Variants in GPR158 observed in about 807,000 individuals in gnomAD.
GPR158 encodes the protein metabotropic glycine receptor.
GPR158 carries 30 observed loss-of-function variants against 78.2 expected under a neutral mutation model. The ratio of observed to expected loss-of-function variants is 0.38; its 90% CI spans 0.29 to 0.52. The LOEUF is 0.52. Among genes scored for constraint, GPR158 ranks in the 20% least tolerant of loss-of-function variants. GPR158 has a pLI of 0.83. For synonymous variants in GPR158, 581 were observed against 591.1 expected (o/e 0.98, Z 0.25); for missense variants, 1,463 against 1,523.5 (o/e 0.96, Z 0.66).
chr10:25,189,071 A>T (rs1051301283), intron 1 of GPR158, among the ~76,000 whole-genome samples: 6 of 152,226 alleles, frequency 3.9e-5, no homozygotes, highest in Admixed American at 6.5e-5. Flanking sequence ...ATGCAAATCA[A>T]AACCACAGTG....
chr10:25,314,935 A>C (rs1436708285), intron 2 of GPR158, among the ~76,000 whole-genome samples: 3 of 144,900 alleles, frequency 2.1e-5, no homozygotes, highest in Admixed American at 6.8e-5. Flanking sequence ...CACACAGTTC[A>C]GGAGGAAGGA....
intron 5 of GPR158, among the ~76,000 whole-genome samples, chr10:25,484,744 CA>C (rs1835709730): frequency 6.6e-6 from 1 of 152,152 alleles, no homozygotes; most frequent in Non-Finnish European, 1.5e-5. Context: ...CAAAACATGG[CA>C]GGGGCTCTTT....
chr10:25,482,838 TC>T (rs1463346797), intron 5 of GPR158, among the ~76,000 whole-genome samples: 1 of 152,120 alleles, frequency 6.6e-6, no homozygotes, highest in East Asian at 1.9e-4. Flanking sequence ...AACCTGCTCT[TC>T]CAGCAAGTTC....
chr10:25,307,894 A>G (rs942833371), intron 2 of GPR158, among the ~76,000 whole-genome samples: 9 of 152,160 alleles, frequency 5.9e-5, no homozygotes, highest in African/African-American at 1.9e-4. Flanking sequence ...TTGAAAGTGC[A>G]TCTTCAGGAA....
chr10:25,542,570 C>A (rs1836601412), intron 5 of GPR158, among the ~76,000 whole-genome samples: 2 of 152,102 alleles, frequency 1.3e-5, no homozygotes, highest in African/African-American at 4.8e-5. Flanking sequence ...TGCCTGTAAT[C>A]CCAACACTTT....
At chr10:25,531,349 A>G (rs969479618) in intron 5 of GPR158, among the ~76,000 whole-genome samples, 4 of 152,212 alleles carry the variant, frequency 2.6e-5, no homozygotes, top group Admixed American at 2.6e-4. Context: ...CCCCGCGTCC[A>G]TGCTGGTTTT....
intron 2 of GPR158, among the ~76,000 whole-genome samples, chr10:25,300,268 G>A (rs7904501): frequency 0.19 from 28,388 of 152,088 alleles, 4,752 homozygotes; most frequent in African/African-American, 0.45. Flanking sequence ...GGCCACTTAC[G>A]TTCCATGGCT....
At chr10:25,274,281 A>G (rs762910313) in intron 2 of GPR158, among the ~76,000 whole-genome samples, 1 of 152,226 alleles carries the variant, frequency 6.6e-6, no homozygotes, top group Non-Finnish European at 1.5e-5. Context: ...AAAATAGTCT[A>G]TTACTTTAGG....
In GPR158 at chr10:25,175,755, G is replaced by C. The variant is rs1347915807; in HGVS notation, c.335G>C (p.Trp112Ser). ...RYELAGLPGK[W>S]PALASAHPSL... is the part of the protein sequence containing the mutation. ...GAGTTGGCGGGCCTGCCGGGGAAGT[G>C]GCCAGCCCTGGCCAGCGCGCACCCC... is the stretch of plus-strand genomic sequence containing the variant. Residue 112 changes from tryptophan (W) to serine (S), a missense_variant, in exon 1 of 11, where the codon TGG becomes TCG. Coordinates refer to ENST00000376351, the MANE Select transcript of GPR158 (RefSeq NM_020752.3). The surrounding 1 kb of genome is among the most constrained non-coding windows in gnomAD (Gnocchi z 6.4). The C allele has an allele frequency of 6.2e-7, 1 of 1,610,996 alleles. No individual in the cohort carries two copies. Among genetic ancestry groups the C allele is most frequent in the South Asian group, 1.1e-5 (1 of 91,070 alleles).
intron 2 of GPR158, among the ~76,000 whole-genome samples, chr10:25,241,279 T>TCCTTTCTTTCCTTTCTTTCTTTCCTTTC (rs1554787189): frequency 1.2e-5 from 1 of 86,816 alleles, no homozygotes; most frequent in African/African-American, 5.6e-5. Context: ...TTCCTTTCTT[T>TCCTTTCTTTCCTTTCTTTCTTTCCTTTC]CTTTCTTTTC....
chr10:25,357,103 C>A (rs549206142), intron 2 of GPR158, among the ~76,000 whole-genome samples: 1 of 152,128 alleles, frequency 6.6e-6, no homozygotes, highest in African/African-American at 2.4e-5. Flanking sequence ...TTTGCCCCTG[C>A]CCTAGAGATT....
chr10:25,193,877 T>G (rs1852808409), intron 1 of GPR158, among the ~76,000 whole-genome samples: 2 of 131,018 alleles, frequency 1.5e-5, no homozygotes, highest in Admixed American at 7.7e-5. Flanking sequence ...ATTTGAAAGG[T>G]AAAGGGGTAA....
intron 2 of GPR158, among the ~76,000 whole-genome samples, chr10:25,263,285 G>A (rs1434385508): frequency 1.3e-5 from 2 of 152,104 alleles, no homozygotes; most frequent in African/African-American, 4.8e-5. Flanking sequence ...TTTTTGAAAA[G>A]CCTGCTTTTC....
chr10:25,296,085 C>G (rs1383257362), intron 2 of GPR158, among the ~76,000 whole-genome samples: 1 of 150,154 alleles, frequency 6.7e-6, no homozygotes, highest in Non-Finnish European at 1.5e-5. Context: ...GCAAGGATGT[C>G]AGCTGAGCTG....
intron 5 of GPR158, among the ~76,000 whole-genome samples, chr10:25,473,670 G>C (rs891042959): frequency 6.6e-6 from 1 of 151,906 alleles, no homozygotes; most frequent in Non-Finnish European, 1.5e-5. Flanking sequence ...ACTTCTTTCT[G>C]GTTTAGTCTC....
chr10:25,417,452 C>T (rs2130555556), intron 4 of GPR158, among the ~76,000 whole-genome samples: 1 of 152,226 alleles, frequency 6.6e-6, no homozygotes, highest in East Asian at 1.9e-4. Flanking sequence ...TCAGAATCAT[C>T]CTCAGAACCA....
intron 2 of GPR158, among the ~76,000 whole-genome samples, chr10:25,392,178 C>T (rs570758950): frequency 6.6e-6 from 1 of 152,272 alleles, no homozygotes; most frequent in South Asian, 2.1e-4. Context: ...TGGACTAATA[C>T]AGCCATCGAA....
intron 2 of GPR158, among the ~76,000 whole-genome samples, chr10:25,262,749 A>G (rs1413715905): frequency 6.6e-6 from 1 of 152,186 alleles, no homozygotes; most frequent in Non-Finnish European, 1.5e-5. Flanking sequence ...CATAGCTTAC[A>G]TATAGGTTCA....
intron 2 of GPR158, among the ~76,000 whole-genome samples, chr10:25,307,613 A>G (rs1854699322): frequency 6.6e-6 from 1 of 151,906 alleles, no homozygotes; most frequent in Non-Finnish European, 1.5e-5. Context: ...GGGCTCAAGC[A>G]ATCTTCCTGC....
Sources: allele counts gnomAD v4.1 joint callset (sites outside exome capture counted in the v4.1 genomes callset), GRCh38; gene constraint gnomAD v4.1.1; non-coding constraint Gnocchi (gnomAD v3.1); transcripts MANE v1.5; gene names NCBI Gene and HGNC (gene_info 2026-07-23, HGNC 2026-07-21).